WWOX: variants seen among roughly 807,000 people sequenced by gnomAD.
WWOX encodes WW domain containing oxidoreductase.
In WWOX, 69 loss-of-function variants were observed where a neutral mutation model predicts 46.2. The observed-to-expected ratio is 1.49, with a 90% CI of 1.23 to 1.82. The LOEUF (loss-of-function observed/expected upper bound fraction) is 1.82, where lower values mean the gene tolerates loss of function less well. WWOX is among the 40% of genes most tolerant of loss of function. The probability of loss-of-function intolerance (pLI) is 0.00; values close to 1 mark genes in which losing one functional copy is unlikely to be tolerated. For missense variants in WWOX, 919 were observed against 542.6 expected (o/e 1.69, Z -6.89); for synonymous variants, 359 against 202.6 (o/e 1.77, Z -6.56).
chr16:78,650,008 A>G (rs759394139), intron 8 of WWOX, among the ~76,000 whole-genome samples: 3 of 152,106 alleles, frequency 2.0e-5, no homozygotes, highest in Non-Finnish European at 2.9e-5. Flanking sequence ...TTTTCTTTCA[A>G]TTACAGTATT....
At chr16:78,600,785 T>A (rs2045602889) in intron 8 of WWOX, among the ~76,000 whole-genome samples, 1 of 152,194 alleles carries the variant, frequency 6.6e-6, no homozygotes, top group Non-Finnish European at 1.5e-5. Context: ...TACAGCCATC[T>A]TGGGAGTGCT....
chr16:78,684,364 G>A (rs963462044), intron 8 of WWOX, among the ~76,000 whole-genome samples: 1 of 152,180 alleles, frequency 6.6e-6, no homozygotes, highest in Non-Finnish European at 1.5e-5. Context: ...GAACCATGAG[G>A]GTTTTCCTTA....
At chr16:79,111,117 C>A (rs975321897) in intron 8 of WWOX, among the ~76,000 whole-genome samples, 1 of 152,100 alleles carries the variant, frequency 6.6e-6, no homozygotes, top group South Asian at 2.1e-4. Context: ...TCCCAAGACT[C>A]AATGGCAGGG....
chr16:78,299,860 A>C (rs1353863731), intron 5 of WWOX, among the ~76,000 whole-genome samples: 1 of 152,196 alleles, frequency 6.6e-6, no homozygotes, highest in Non-Finnish European at 1.5e-5. Flanking sequence ...GCAGGACATC[A>C]AAGTTGAGAT....
chr16:78,272,236 C>CA, intron 5 of WWOX, among the ~76,000 whole-genome samples: 1 of 152,268 alleles, frequency 6.6e-6, no homozygotes, highest in Non-Finnish European at 1.5e-5. Flanking sequence ...ATTGGACTGG[C>CA]ACTTCAGCTG....
At chr16:78,660,719 C>A (rs1046139157) in intron 8 of WWOX, among the ~76,000 whole-genome samples, 15 of 152,162 alleles carry the variant, frequency 9.9e-5, no homozygotes, top group African/African-American at 1.4e-4. Flanking sequence ...GACCTCTCTC[C>A]AAAAGAGGCA....
chr16:79,122,130 C>T (rs1240456107), intron 8 of WWOX, among the ~76,000 whole-genome samples: 2 of 152,140 alleles, frequency 1.3e-5, no homozygotes, highest in African/African-American at 2.4e-5. Flanking sequence ...CCTCGGAGCG[C>T]GTGGGCCGGG....
chr16:78,533,136 C>G (rs746838284), intron 8 of WWOX, among the ~76,000 whole-genome samples: 15 of 151,984 alleles, frequency 9.9e-5, no homozygotes, highest in Admixed American at 2.6e-4. Flanking sequence ...AATGGCTAAA[C>G]CAACCAAAGG....
At chr16:78,666,513 C>T (rs1224951781) in intron 8 of WWOX, among the ~76,000 whole-genome samples, 2 of 152,130 alleles carry the variant, frequency 1.3e-5, no homozygotes, top group African/African-American at 2.4e-5. Flanking sequence ...TAAAGATCTG[C>T]CTAGGTCAGC....
At chr16:78,718,426 C>T (rs1212925875) in intron 8 of WWOX, among the ~76,000 whole-genome samples, 1 of 151,918 alleles carries the variant, frequency 6.6e-6, no homozygotes, top group East Asian at 1.9e-4. Context: ...TTTTTTTGCT[C>T]ACTTGAGTTG....
chr16:79,074,458 A>ATTTTTTTTTTTTTTTTTTTTTTT (rs1555523062), intron 8 of WWOX, among the ~76,000 whole-genome samples: 2 of 36,942 alleles, frequency 5.4e-5, no homozygotes, highest in Non-Finnish European at 1.0e-4. Flanking sequence ...TATTTTCTCC[A>ATTTTTTTTTTTTTTTTTTTTTTT]TTTGGAGAGG....
rs528855676 is a variant in WWOX at position 78,679,753 on chromosome 16, G to A, written c.1056+247001G>A. On this transcript the variant is annotated intron_variant, in intron 8 of 8. Coordinates refer to ENST00000566780, the MANE Select transcript of WWOX (RefSeq NM_016373.4). Reference sequence around the variant, plus strand: ...GCACATTTAATAACATGAGAATAATGTCCAAACATCTTCTCATTGATGGCT... The same window carrying A: ...GCACATTTAATAACATGAGAATAATATCCAAACATCTTCTCATTGATGGCT... Among the ~76,000 whole-genome samples the A allele has an allele frequency of 6.6e-5, 10 of 152,306 alleles. No individual in the cohort carries two copies. The South Asian group carries it at 1.7e-3, about 25-fold the overall frequency.
chr16:78,603,562 CA>C (rs2045674864), intron 8 of WWOX, among the ~76,000 whole-genome samples: 2 of 152,108 alleles, frequency 1.3e-5, no homozygotes, highest in Admixed American at 6.5e-5. Flanking sequence ...GGCGTGGTGG[CA>C]GCCACCTGTA....
intron 8 of WWOX, among the ~76,000 whole-genome samples, chr16:79,070,396 C>T (rs1451414415): frequency 1.3e-5 from 2 of 152,112 alleles, no homozygotes; most frequent in Non-Finnish European, 1.5e-5. Context: ...GCAAAATGGT[C>T]TCCTGGCTGT....
chr16:78,723,398 A>C (rs535950445), intron 8 of WWOX, among the ~76,000 whole-genome samples: 1 of 152,168 alleles, frequency 6.6e-6, no homozygotes, highest in Admixed American at 6.5e-5. Flanking sequence ...CGGAGTGACC[A>C]CAAGATGCCC....
Position 78,685,646 on chromosome 16 carries a change from T to C in WWOX, c.1056+252894T>C, listed in dbSNP as rs868122019. ...CATATATGTTTTGCTTGTGTGGTGC[T>C]AAATGCAAAGGCAGAGAAGCTTCTG... On this transcript the variant is annotated intron_variant, in intron 8 of 8. Transcript: ENST00000566780. Among the ~76,000 whole-genome samples the C allele has an allele frequency of 5.9e-5, 9 of 152,380 alleles. No individual in the cohort carries two copies. The South Asian group carries it at 1.7e-3, about 28-fold the overall frequency.
chr16:78,748,796 C>A (rs1223295287), intron 8 of WWOX, among the ~76,000 whole-genome samples: 1 of 152,246 alleles, frequency 6.6e-6, no homozygotes, highest in Non-Finnish European at 1.5e-5. Flanking sequence ...GTCTTGCCCT[C>A]TGACACGGCA....
intron 8 of WWOX, among the ~76,000 whole-genome samples, chr16:78,781,173 G>C (rs1156270887): frequency 6.6e-6 from 1 of 152,218 alleles, no homozygotes; most frequent in African/African-American, 2.4e-5. Flanking sequence ...CAACTGAAGT[G>C]TTGATGGGGT....
intron 8 of WWOX, among the ~76,000 whole-genome samples, chr16:78,826,607 C>G (rs974889788): frequency 4.6e-5 from 7 of 152,194 alleles, no homozygotes; most frequent in African/African-American, 2.4e-5. Flanking sequence ...TATGAAGACA[C>G]TTGTTTTTGG....
Sources: gnomAD v4.1 joint callset for allele counts (sites outside exome capture counted in the v4.1 genomes callset) on GRCh38, gnomAD v4.1.1 for gene constraint, MANE v1.5 for transcripts, NCBI Gene and HGNC (gene_info 2026-07-23, HGNC 2026-07-21) for gene names.